Variants in KARS1 observed in about 807,000 individuals in gnomAD.
KARS1 encodes lysine--tRNA ligase.
In KARS1, 50 loss-of-function variants were observed where a neutral mutation model predicts 63.9. The observed-to-expected ratio is 0.78, with a 90% CI of 0.62 to 0.99. The LOEUF (loss-of-function observed/expected upper bound fraction) is 0.99, where lower values mean the gene tolerates loss of function less well. KARS1 is among the 50% of genes least tolerant of loss of function. KARS1 has a pLI of 0.00. For missense variants in KARS1, 816 were observed against 754.5 expected (o/e 1.08, Z -0.95); for synonymous variants, 320 against 264.6 (o/e 1.21, Z -2.03).
intron 2 of KARS1, among the ~76,000 whole-genome samples, chr16:75,641,290 G>C (rs374575244): frequency 6.6e-6 from 1 of 152,208 alleles, no homozygotes; most frequent in Non-Finnish European, 1.5e-5. Flanking sequence ...GCAATCTTTA[G>C]AGAGACACTT....
intron 6 of KARS1, among the ~76,000 whole-genome samples, chr16:75,635,031 C>G (rs561332422): frequency 6.6e-6 from 1 of 152,192 alleles, no homozygotes; most frequent in African/African-American, 2.4e-5. Context: ...TATAAAGATG[C>G]TTGTTGGAAC....
At position 75,640,237 on chromosome 16, in the gene KARS1, T is replaced by C. The variant is rs766304500; in HGVS notation, c.335A>G (p.Tyr112Cys). ...DISLTDFIQK[Y>C]SHLQPGDHLT... ...GTGATCCCCAGGCTGCAGGTGACTA[T>C]ATTTTTGGATGAAGTCAGTGAGTGA... Residue 112 changes from tyrosine to cysteine, a missense_variant, in exon 3 of 14, where the codon TAT (tyrosine) becomes TGT (cysteine). Tyr to Cys is a radical substitution (Grantham distance 194). Coordinates refer to ENST00000302445, the MANE Select transcript of KARS1 (RefSeq NM_005548.3). The C allele has an allele frequency of 4.3e-6, 7 of 1,613,986 alleles. No individual in the cohort carries two copies. The Admixed American group carries it at 8.3e-5, about 19-fold the overall frequency.
rs1339659114 is a variant in KARS1, at chr16:75,631,609, T to C, written c.1079-20A>G. On this transcript the variant is annotated intron_variant, in intron 8 of 13. Coordinates refer to ENST00000302445, the MANE Select transcript of KARS1 (RefSeq NM_005548.3). ...CCATCCCTGGGAGAGAAACCTGTTA[T>C]TTAGCGGGAATGAAATCCAGGCAGC... 3.7e-6 allele frequency: 6 copies of C among 1,614,072 alleles called. No homozygotes were observed. Among genetic ancestry groups the C allele is most frequent in the South Asian group, 2.2e-5 (2 of 91,084 alleles).
chr16:75,631,117 A>C (rs1464877023), intron 10 of KARS1, 51 bp downstream of exon 10: 1 of 1,440,988 alleles, frequency 6.9e-7, no homozygotes, highest in Non-Finnish European at 9.7e-7. Context: ...GGGAAGAGGG[A>C]ACCATTCAGC....
rs777981681 is a variant in KARS1 at position 75,631,858 on chromosome 16, A to G, written c.916-3T>C. ...TCGATGCCACCAACCACAAGCATCT[A>G]ACAACAACACATGGCCACGGTCATG... On this transcript the variant is annotated splice_polypyrimidine_tract_variant and splice_region_variant and intron_variant, in intron 7 of 13. Coordinates refer to ENST00000302445, the MANE Select transcript of KARS1 (RefSeq NM_005548.3). 1 of 1,613,802 alleles carries G rather than the reference A, an allele frequency of 6.2e-7. No homozygotes were observed. The highest frequency in any genetic ancestry group is 8.5e-7 in the Non-Finnish European group (1 of 1,180,002).
At chr16:75,646,899 G>T (rs1372427473) in intron 1 of KARS1, among the ~76,000 whole-genome samples, 1 of 152,112 alleles carries the variant, frequency 6.6e-6, no homozygotes, top group Non-Finnish European at 1.5e-5. Flanking sequence ...GGTTCAAATG[G>T]GGAACGCTAA....
At chr16:75,637,404 TC>T (rs1030801922) in intron 3 of KARS1, among the ~76,000 whole-genome samples, 1 of 152,044 alleles carries the variant, frequency 6.6e-6, no homozygotes, top group African/African-American at 2.4e-5. Context: ...AACCTTTTCC[TC>T]CAGGCTCACT....
At position 75,635,704 on chromosome 16, in the gene KARS1, G is replaced by T. The variant is rs888079299; in HGVS notation, c.771C>A (p.Phe257Leu). Residue 257 changes from phenylalanine to leucine, a missense_variant, in exon 6 of 14, where the codon TTC becomes TTA. By Grantham distance (22) the Phe-to-Leu change is conservative (BLOSUM62 0). Transcript: ENST00000302445. ...RSKIITYIRS[F>L]LDELGFLEIE... ...CCTCTAGGAATCCCAGCTCATCTAAGAAACTTCTTATATATGTGATGATCT... is the reference window on the plus strand; with the variant it reads ...CCTCTAGGAATCCCAGCTCATCTAATAAACTTCTTATATATGTGATGATCT... 1.8e-5 allele frequency: 29 copies of T among 1,614,166 alleles called. No individual in the cohort carries two copies. The highest frequency in any genetic ancestry group is 2.5e-5 in the Non-Finnish European group (29 of 1,180,010).
At chr16:75,636,643 G>GTT in intron 3 of KARS1, 96 bp from the exon 4 acceptor site, 1 of 699,146 alleles carries the variant, frequency 1.4e-6, no homozygotes, top group Non-Finnish European at 2.4e-6. Context: ...TTTTTTTTTT[G>GTT]TTTTTTTTGG....
rs753198730 is a variant in KARS1 at position 75,641,592 on chromosome 16, C to T, written c.194G>A (p.Gly65Asp). The T allele has an allele frequency of 1.2e-6, 2 of 1,613,916 alleles. No individual in the cohort carries two copies. The highest frequency in any genetic ancestry group is 3.3e-5 in the Admixed American group (2 of 60,018). ...ATNHTTDNGV[G>D]PEEESVDPNQ... ...TGGGTCCACGCTCTCTTCCTCAGGACCCACACCATTATCAGTGGTGTGGTT... is the reference window on the plus strand; with the variant it reads ...TGGGTCCACGCTCTCTTCCTCAGGATCCACACCATTATCAGTGGTGTGGTT... Residue 65 changes from glycine to aspartate, a missense_variant, in exon 2 of 14, where the codon GGT (glycine) becomes GAT (aspartate). Coordinates refer to ENST00000302445, the MANE Select transcript of KARS1 (RefSeq NM_005548.3).
At chr16:75,641,532 G>A (rs2082223566) in intron 2 of KARS1, 32 bp downstream of exon 2, 5 of 1,603,630 alleles carry the variant, frequency 3.1e-6, no homozygotes, top group African/African-American at 2.7e-5. Context: ...GCTTTCCTGT[G>A]CCCAACCATG....
chr16:75,629,029 C>T, intron 12 of KARS1: 1 of 472,998 alleles, frequency 2.1e-6, no homozygotes, highest in East Asian at 4.3e-5. Flanking sequence ...AGTCTTTCTC[C>T]CATTTCCTGA....
At position 75,631,735 on chromosome 16, in the gene KARS1, C is replaced by A; in HGVS notation, c.1036G>T (p.Asp346Tyr). ...TTCEFYMAYA[D>Y]YHDLMEITEK... ...GTGATTTCCATGAGATCGTGATAGT[C>A]TGCATAGGCCATGTAGAACTCACAG... The change falls in exon 8 of 14, where the codon GAC (aspartate) becomes TAC (tyrosine). Residue 346 changes from aspartate to tyrosine, a missense_variant. Asp to Tyr is a radical substitution (Grantham distance 160). Coordinates refer to ENST00000302445, the MANE Select transcript of KARS1 (RefSeq NM_005548.3). The A allele has an allele frequency of 6.2e-7, 1 of 1,614,204 alleles. No homozygotes were observed.
At chr16:75,628,791 G>C in intron 12 of KARS1, 79 bp from the exon 13 acceptor site, 2 of 1,457,852 alleles carry the variant, frequency 1.4e-6, no homozygotes, top group Middle Eastern at 1.8e-4. Flanking sequence ...ACCAGGCTCC[G>C]AGGTGGGAGT....
chr16:75,644,497 G>C (rs1425298804), intron 1 of KARS1: 3 of 1,499,446 alleles, frequency 2.0e-6, no homozygotes, highest in East Asian at 4.7e-5. Context: ...TGTCAGATGG[G>C]ACAGACAGTA....
chr16:75,628,792 A>C (rs2082079265), intron 12 of KARS1, 80 bp from the exon 13 acceptor site: 1 of 1,446,532 alleles, frequency 6.9e-7, no homozygotes, highest in African/African-American at 1.4e-5. Context: ...CCAGGCTCCG[A>C]GGTGGGAGTA....
intron 10 of KARS1, 63 bp from the exon 11 acceptor site, chr16:75,630,571 C>G (rs2082100840): frequency 9.9e-7 from 1 of 1,005,652 alleles, no homozygotes; most frequent in Non-Finnish European, 1.6e-6. Context: ...CGTCCCAGCC[C>G]AGACAGAAGA....
intron 1 of KARS1, among the ~76,000 whole-genome samples, chr16:75,643,952 A>C (rs1430974663): frequency 6.6e-6 from 1 of 152,234 alleles, no homozygotes; most frequent in Non-Finnish European, 1.5e-5. Context: ...GGATAGCACT[A>C]AGACTAGAAA....
Position 75,635,222 on chromosome 16 carries a change from T to G in KARS1, c.795+458A>C, listed in dbSNP as rs2082149848. The G allele has an allele frequency of 1.3e-5, 3 of 224,752 alleles. No homozygotes were observed. In the South Asian group the frequency reaches 1.9e-4, roughly 14 times the overall value. 13.9% of individuals were successfully genotyped at this position (224,752 alleles called of 1,614,324 possible). The stretch of plus-strand genomic sequence containing the variant: ...GTGCACTCCATCTGCAACATGCATA[T>G]GTACATACGTATATATGCCCAGTAA... On this transcript the variant is annotated intron_variant, in intron 6 of 13. Coordinates refer to ENST00000302445, the MANE Select transcript of KARS1 (RefSeq NM_005548.3).
Sources: gnomAD v4.1 joint callset for allele counts (sites outside exome capture counted in the v4.1 genomes callset) on GRCh38, gnomAD v4.1.1 for gene constraint, MANE v1.5 for transcripts, NCBI Gene and HGNC (gene_info 2026-07-23, HGNC 2026-07-21) for gene names.